The following PARD3B variants were observed in gnomAD, a reference collection of about 807,000 sequenced individuals.
PARD3B encodes par-3 family cell polarity regulator beta.
A neutral mutation model predicts 130.2 loss-of-function variants in PARD3B; 103 were observed. The observed-to-expected ratio is 0.79, with a 90% CI of 0.67 to 0.93. The LOEUF (loss-of-function observed/expected upper bound fraction) is 0.93, where lower values mean the gene tolerates loss of function less well. Among genes scored for constraint, PARD3B ranks in the 40% least tolerant of loss-of-function variants. The pLI is 0.00. For missense variants in PARD3B, 1,609 were observed against 1,499.2 expected, an observed-to-expected ratio of 1.07 and a Z score of -1.21; for synonymous variants, 583 against 553.2, an observed-to-expected ratio of 1.05 and a Z score of -0.76.
intron 1 of PARD3B, among the ~76,000 whole-genome samples, chr2:204,643,115 CAAAA>C (rs71029202): frequency 1.1e-3 from 35 of 31,808 alleles, no homozygotes; most frequent in Non-Finnish European, 1.6e-3. Flanking sequence ...CTCTGTCTCA[CAAAA>C]AAAAAAAAAA....
At chr2:204,885,120 C>T (rs1449788984) in intron 2 of PARD3B, among the ~76,000 whole-genome samples, 1 of 152,208 alleles carries the variant, frequency 6.6e-6, no homozygotes, top group Admixed American at 6.5e-5. Context: ...TCCTTTTGCT[C>T]TGCAACCTTG....
intron 18 of PARD3B, among the ~76,000 whole-genome samples, chr2:205,389,774 T>C (rs564141572): frequency 1.9e-4 from 29 of 152,342 alleles, no homozygotes; most frequent in South Asian, 2.1e-4. Flanking sequence ...GAGGCCATAA[T>C]TTCTGAAACT....
At position 205,280,109 on chromosome 2, in the gene PARD3B, G is replaced by A. The variant is rs7606468; in HGVS notation, c.2186-20421G>A. On this transcript the variant is annotated intron_variant, in intron 16 of 22. Coordinates refer to ENST00000406610, the MANE Select transcript of PARD3B (RefSeq NM_001302769.2). The surrounding 1 kb of genome is among the most constrained non-coding windows in gnomAD (Gnocchi z 4.7). ...TTAGGATTTCTTCTGTCTAAAGGTA[G>A]GAATAGCAGTTGCCATTCTCTGACA... 0.7 allele frequency among the ~76,000 whole-genome samples: 107,046 copies of A among 152,036 alleles called. 38,628 individuals carry two copies. Among genetic ancestry groups the A allele is most frequent in the Admixed American group, 0.8 (12,171 of 15,278 alleles).
rs2035230905 is a variant in PARD3B, at chr2:205,172,499, T to G, written c.1791+118T>G. The G allele has an allele frequency of 1.1e-5, 12 of 1,045,628 alleles. No homozygotes were observed. In the Admixed American group the frequency reaches 3.5e-4, roughly 30 times the overall value. The allele number at this position is 1,045,628 out of a possible 1,614,324, so 64.8% of individuals were successfully genotyped here. A position where few individuals can be genotyped will look rare whatever the true frequency, so the allele number is the denominator to read the frequency against. ...CGAGAAAATATGCCCCAGAAGGGCT[T>G]TGATGGGAAACAGGTGGTTGTGTAT... On this transcript the variant is annotated intron_variant, in intron 12 of 22. Transcript: ENST00000406610.
At chr2:205,256,456 C>T (rs974236633) in intron 16 of PARD3B, among the ~76,000 whole-genome samples, 1 of 152,116 alleles carries the variant, frequency 6.6e-6, no homozygotes, top group African/African-American at 2.4e-5. Context: ...GGAATGCAAA[C>T]AGTGACAATA....
chr2:205,394,205 A>G (rs2045950305), intron 18 of PARD3B, among the ~76,000 whole-genome samples: 1 of 152,154 alleles, frequency 6.6e-6, no homozygotes, highest in African/African-American at 2.4e-5. Flanking sequence ...TAGGCAATAT[A>G]ACAACATTAA....
chr2:205,051,019 C>T lies in PARD3B; in HGVS notation c.504+3329C>T, dbSNP rs972824572. ...ACGTGGCACCCTGCATATAGCCCTA[C>T]GCTCACTTTTATTGTTCGCTCACTG... On this transcript the variant is annotated intron_variant, in intron 4 of 22. Transcript: ENST00000406610. Among the ~76,000 whole-genome samples the T allele has an allele frequency of 2.6e-5, 4 of 152,114 alleles. 1 individual carries two copies. Among genetic ancestry groups the T allele is most frequent in the Admixed American group, 1.3e-4 (2 of 15,254 alleles).
At chr2:205,046,886 T>G (rs1227705995) in intron 3 of PARD3B, among the ~76,000 whole-genome samples, 1 of 152,240 alleles carries the variant, frequency 6.6e-6, no homozygotes, top group Non-Finnish European at 1.5e-5. Flanking sequence ...CTGCTAAGGT[T>G]GAATTTCATT....
At chr2:204,650,977 A>G (rs933990075) in intron 1 of PARD3B, among the ~76,000 whole-genome samples, 2 of 152,148 alleles carry the variant, frequency 1.3e-5, no homozygotes, top group Middle Eastern at 3.2e-3. Flanking sequence ...TGAGAACAGC[A>G]AGTGGGAAGT....
At chr2:204,723,039 A>G (rs2039067476) in intron 2 of PARD3B, among the ~76,000 whole-genome samples, 1 of 152,156 alleles carries the variant, frequency 6.6e-6, no homozygotes, top group Non-Finnish European at 1.5e-5. Flanking sequence ...TTGATATTCT[A>G]TGTATAGCCA....
intron 22 of PARD3B, among the ~76,000 whole-genome samples, chr2:205,560,141 G>A (rs2053077429): frequency 6.6e-6 from 1 of 152,146 alleles, no homozygotes; most frequent in Non-Finnish European, 1.5e-5. Context: ...CTGCGAGTTT[G>A]TTCATTTTAA....
At chr2:205,271,305 G>A (rs539812821) in intron 16 of PARD3B, among the ~76,000 whole-genome samples, 1 of 152,314 alleles carries the variant, frequency 6.6e-6, no homozygotes, top group Non-Finnish European at 1.5e-5. Flanking sequence ...AGAGTCACTT[G>A]ATAATATAGG....
At chr2:204,883,170 A>G (rs2046117588) in intron 2 of PARD3B, among the ~76,000 whole-genome samples, 1 of 151,758 alleles carries the variant, frequency 6.6e-6, no homozygotes, top group Admixed American at 6.6e-5. Flanking sequence ...TACTTACCCA[A>G]TAAATAGTGG....
rs1000812540 is a variant in PARD3B at position 205,600,666 on chromosome 2, C to A, written c.3261-14790C>A. On this transcript the variant is annotated intron_variant, in intron 22 of 22. Coordinates refer to ENST00000406610, the MANE Select transcript of PARD3B (RefSeq NM_001302769.2). ...CTGATGCTGCCCCTCCCACTGCCAC[C>A]CCGACAGGTCCCAGTGTGTGTTGTT... Among the ~76,000 whole-genome samples, 15 of 152,306 alleles carry A rather than the reference C, an allele frequency of 9.8e-5. No homozygotes were observed. The South Asian group carries it at 1.2e-3, about 13-fold the overall frequency.
rs1049010111 is a variant in PARD3B, at chr2:205,558,825, C to G, written c.3260+5422C>G. Among the ~76,000 whole-genome samples the G allele has an allele frequency of 6.6e-6, 1 of 152,202 alleles. No individual in the cohort carries two copies. The highest frequency in any genetic ancestry group is 2.4e-5 in the African/African-American group (1 of 41,448). ...GCCTCCAAGTCCCCCTGCCAAAACC[C>G]ATGCCATCTTCCTTTGCTCTTCTTC... On this transcript the variant is annotated intron_variant, in intron 22 of 22. Coordinates refer to ENST00000406610, the MANE Select transcript of PARD3B (RefSeq NM_001302769.2). The surrounding 1 kb of genome is among the most constrained non-coding windows in gnomAD (Gnocchi z 4.8).
In PARD3B at chr2:205,140,512, T is replaced by TCCAA. The variant is rs1180939756; in HGVS notation, c.1434+14776_1434+14779dup. Among the ~76,000 whole-genome samples, 10 of 147,048 alleles carry TCCAA rather than the reference T, an allele frequency of 6.8e-5. No homozygotes were observed. In the East Asian group the frequency reaches 2.0e-3, roughly 30 times the overall value. On this transcript the variant is annotated intron_variant, in intron 10 of 22. Transcript: ENST00000406610. ...TTTTTTTTTTTTTTTTTTTAAAGTT[T>TCCAA]CCAAATCTGTTTCTCTTTGAGAGAA...
chr2:205,361,662 T>A (rs554947664), intron 18 of PARD3B, among the ~76,000 whole-genome samples: 1 of 152,324 alleles, frequency 6.6e-6, no homozygotes, highest in African/African-American at 2.4e-5. Context: ...TCAGTGTCAG[T>A]AGGTTTTACT....
intron 2 of PARD3B, among the ~76,000 whole-genome samples, chr2:204,748,660 A>T (rs2040343124): frequency 6.6e-6 from 1 of 152,104 alleles, no homozygotes; most frequent in Non-Finnish European, 1.5e-5. Context: ...AAACTATCTG[A>T]TTCAGTGGGT....
intron 18 of PARD3B, among the ~76,000 whole-genome samples, chr2:205,386,630 A>T (rs2045668733): frequency 6.9e-6 from 1 of 145,426 alleles, no homozygotes; most frequent in Non-Finnish European, 1.5e-5. Context: ...ACCAAAAAAA[A>T]ATGAAACTTT....
Sources: allele counts gnomAD v4.1 joint callset (sites outside exome capture counted in the v4.1 genomes callset), GRCh38; gene constraint gnomAD v4.1.1; non-coding constraint Gnocchi (gnomAD v3.1); transcripts MANE v1.5; gene names NCBI Gene and HGNC (gene_info 2026-07-23, HGNC 2026-07-21).